IL1RAPL2: variants seen among roughly 807,000 people sequenced by gnomAD.
The protein encoded by IL1RAPL2 is X-linked interleukin-1 receptor accessory protein-like 2.
A neutral mutation model predicts 44.1 loss-of-function variants in IL1RAPL2; 3 were observed. The observed-to-expected ratio is 0.07, with a 90% confidence interval of 0.03 to 0.18. The LOEUF (loss-of-function observed/expected upper bound fraction) is 0.18. Among genes scored for constraint, IL1RAPL2 ranks in the 10% least tolerant of loss-of-function variants. IL1RAPL2 has a pLI of 1.00. For synonymous variants in IL1RAPL2, 181 were observed against 178.8 expected, an observed-to-expected ratio of 1.01 and a Z score of -0.10; for missense variants, 391 against 496.4, an observed-to-expected ratio of 0.79 and a Z score of 2.02.
At chrX:105,406,513 C>T in intron 5 of IL1RAPL2, 5 of 1,199,553 alleles carry the variant, frequency 4.2e-6, no homozygotes, top group Non-Finnish European at 5.6e-6. Context: ...TTGCTAGCAA[C>T]TCCAACCAAG....
At chrX:105,196,205 C>A (rs2033670981) in intron 3 of IL1RAPL2, among the ~76,000 whole-genome samples, 1 of 110,823 alleles carries the variant, frequency 9.0e-6, no homozygotes, top group Non-Finnish European at 1.9e-5. Flanking sequence ...TTGCTTGAAC[C>A]TGGGAGGCAG....
chrX:105,674,828 G>C (rs2037855494), intron 6 of IL1RAPL2, among the ~76,000 whole-genome samples: 1 of 111,032 alleles, frequency 9.0e-6, no homozygotes, highest in Non-Finnish European at 1.9e-5. Context: ...TGTCCTCTCT[G>C]GTTTCCTTGA....
At chrX:105,539,864 C>A (rs1324282055) in intron 6 of IL1RAPL2, among the ~76,000 whole-genome samples, 1 of 111,528 alleles carries the variant, frequency 9.0e-6, no homozygotes, top group Non-Finnish European at 1.9e-5. Context: ...GGACAAAAGA[C>A]ATGAACAGAC....
At chrX:104,631,891 G>T (rs1281998279) in intron 1 of IL1RAPL2, among the ~76,000 whole-genome samples, 1 of 109,702 alleles carries the variant, frequency 9.1e-6, no homozygotes, top group Non-Finnish European at 1.9e-5. Context: ...ATTGCTTTTG[G>T]TGTTTTAGAC....
At chrX:104,719,946 T>G (rs945060643) in intron 2 of IL1RAPL2, among the ~76,000 whole-genome samples, 8 of 111,199 alleles carry the variant, frequency 7.2e-5, no homozygotes, top group African/African-American at 2.3e-4. Context: ...TATTTCTGTG[T>G]GCTTTCTGCA....
At chrX:104,978,319 G>C (rs909931391) in intron 2 of IL1RAPL2, among the ~76,000 whole-genome samples, 8 of 111,638 alleles carry the variant, frequency 7.2e-5, no homozygotes, top group African/African-American at 2.6e-4. Flanking sequence ...CACACAAAGG[G>C]CTTCAATTGT....
intron 2 of IL1RAPL2, among the ~76,000 whole-genome samples, chrX:104,951,172 G>A (rs947126017): frequency 8.9e-6 from 1 of 112,072 alleles, no homozygotes; most frequent in South Asian, 3.7e-4. Context: ...GTAGACCGGA[G>A]CTGTTCCTAT....
chrX:104,568,870 G>A (rs1387604605), intron 1 of IL1RAPL2, among the ~76,000 whole-genome samples: 1 of 111,716 alleles, frequency 9.0e-6, no homozygotes, highest in Non-Finnish European at 1.9e-5. Context: ...CAGTCGCACC[G>A]TGAGGCTGCT....
At chrX:104,761,854 TCTC>T (rs1307128396) in intron 2 of IL1RAPL2, among the ~76,000 whole-genome samples, 3 of 34,659 alleles carry the variant, frequency 8.7e-5, no homozygotes, top group African/African-American at 1.5e-4. Context: ...TTCTTCTCCT[TCTC>T]CTTCTCCTTC....
chrX:104,918,340 CTA>C (rs1341365960), intron 2 of IL1RAPL2, among the ~76,000 whole-genome samples: 3 of 111,367 alleles, frequency 2.7e-5, no homozygotes, highest in East Asian at 5.7e-4. Context: ...AACTGAAAGA[CTA>C]TGTGTATACT....
At chrX:104,916,833 G>A (rs878931716) in intron 2 of IL1RAPL2, among the ~76,000 whole-genome samples, 1 of 111,375 alleles carries the variant, frequency 9.0e-6, no homozygotes, top group Non-Finnish European at 1.9e-5. Flanking sequence ...TAATCAGGTG[G>A]TTTTTGTCTT....
chrX:104,825,119 T>C (rs555559780), intron 2 of IL1RAPL2, among the ~76,000 whole-genome samples: 1 of 111,595 alleles, frequency 9.0e-6, no homozygotes, highest in Middle Eastern at 4.7e-3. Flanking sequence ...AAGTATAGTC[T>C]AATTAAAGTT....
chrX:105,223,671 C>G (rs1227063049), intron 3 of IL1RAPL2, among the ~76,000 whole-genome samples: 1 of 111,794 alleles, frequency 8.9e-6, no homozygotes, highest in Non-Finnish European at 1.9e-5. Flanking sequence ...GCAGACAAAA[C>G]ATGATTAGGG....
intron 5 of IL1RAPL2, among the ~76,000 whole-genome samples, chrX:105,276,866 G>A (rs1016655038): frequency 1.8e-5 from 2 of 111,887 alleles, no homozygotes; most frequent in Non-Finnish European, 3.8e-5. Flanking sequence ...GGCCTGGAGA[G>A]CAGTTAAAAG....
chrX:105,454,115 T>A (rs1332171268), intron 5 of IL1RAPL2, among the ~76,000 whole-genome samples: 5 of 110,915 alleles, frequency 4.5e-5, no homozygotes, highest in Non-Finnish European at 7.6e-5. Flanking sequence ...AGACTCCCCA[T>A]TAGGATAAAA....
chrX:105,422,818 CTTCTG>C (rs1336943931), intron 5 of IL1RAPL2, among the ~76,000 whole-genome samples: 1 of 110,612 alleles, frequency 9.0e-6, no homozygotes, highest in African/African-American at 3.3e-5. Flanking sequence ...AAAAGTTTTA[CTTCTG>C]TTCTGATGTT....
intron 2 of IL1RAPL2, among the ~76,000 whole-genome samples, chrX:105,191,736 C>T (rs1556137314): frequency 1.8e-5 from 2 of 112,286 alleles, no homozygotes; most frequent in African/African-American, 6.5e-5. Context: ...TATAATCATA[C>T]TCACTGATTG....
At chrX:105,513,713 A>T (rs1179084617) in intron 6 of IL1RAPL2, among the ~76,000 whole-genome samples, 1 of 111,000 alleles carries the variant, frequency 9.0e-6, no homozygotes, top group Admixed American at 9.6e-5. Flanking sequence ...ATCTCATTCT[A>T]TGGGCTGCCT....
At chrX:104,567,959 G>A (rs192122573) in intron 1 of IL1RAPL2, among the ~76,000 whole-genome samples, 1 of 112,459 alleles carries the variant, frequency 8.9e-6, no homozygotes, top group Non-Finnish European at 1.9e-5. Context: ...CATCTGTGCC[G>A]CCCAAGGACT....
Sources: gnomAD v4.1 joint callset for allele counts (sites outside exome capture counted in the v4.1 genomes callset) on GRCh38, gnomAD v4.1.1 for gene constraint, MANE v1.5 for transcripts, NCBI Gene and HGNC (gene_info 2026-07-23, HGNC 2026-07-21) for gene names.